NEK7: variants seen among roughly 807,000 people sequenced by gnomAD.
NEK7 encodes serine/threonine-protein kinase Nek7.
A neutral mutation model predicts 44.6 loss-of-function variants in NEK7; 18 were observed. The observed-to-expected ratio is 0.40, with a 90% confidence interval of 0.28 to 0.60. NEK7 has a LOEUF of 0.60. Ranked by LOEUF, NEK7 falls within the 20% of genes least tolerant of loss-of-function variation. The pLI is 0.38. For synonymous variants in NEK7, 130 were observed against 121.1 expected (o/e 1.07, Z -0.48); for missense variants, 256 against 366.5 (o/e 0.70, Z 2.46).
intron 1 of NEK7, among the ~76,000 whole-genome samples, chr1:198,217,964 C>G (rs1235006668): frequency 6.6e-6 from 1 of 151,916 alleles, no homozygotes. Context: ...ATCCCATGCT[C>G]AGGGATTGAA....
At chr1:198,232,411 G>A in intron 1 of NEK7, 142 bp from the exon 2 acceptor site, 2 of 478,050 alleles carry the variant, frequency 4.2e-6, no homozygotes, top group Non-Finnish European at 7.6e-6. Context: ...TTTAGCAAAT[G>A]GCAAAAGAGT....
intron 9 of NEK7, among the ~76,000 whole-genome samples, chr1:198,317,892 T>G (rs1039887273): frequency 6.8e-6 from 1 of 146,962 alleles, no homozygotes; most frequent in African/African-American, 2.5e-5. Flanking sequence ...TTTTTTTTTT[T>G]TTTTTTTTGG....
In NEK7 at chr1:198,264,109, T is replaced by G. The variant is rs773448263; in HGVS notation, c.262-16T>G. 6.4e-7 allele frequency: 1 copy of G among 1,573,420 alleles called. No homozygotes were observed. Among genetic ancestry groups the G allele is most frequent in the Non-Finnish European group, 8.6e-7 (1 of 1,163,718 alleles). Reference sequence around the variant, plus strand: ...TACAGTAAGAAAACTTTCTGATGCCTGTTTTATTTTCTCAGCAACTCAACC... The same window carrying G: ...TACAGTAAGAAAACTTTCTGATGCCGGTTTTATTTTCTCAGCAACTCAACC... On this transcript the variant is annotated splice_polypyrimidine_tract_variant and intron_variant, in intron 4 of 9. Coordinates refer to ENST00000367385, the MANE Select transcript of NEK7 (RefSeq NM_133494.3).
chr1:198,247,872 A>G (rs981073237), intron 2 of NEK7, among the ~76,000 whole-genome samples: 1 of 152,226 alleles, frequency 6.6e-6, no homozygotes, highest in African/African-American at 2.4e-5. Flanking sequence ...ATATCAAAAT[A>G]GCCTTTCTGC....
chr1:198,277,491 T>C (rs1307599232), intron 5 of NEK7, among the ~76,000 whole-genome samples: 1 of 151,850 alleles, frequency 6.6e-6, no homozygotes, highest in Non-Finnish European at 1.5e-5. Context: ...ATTCCTTTTA[T>C]TTGTTTAATT....
chr1:198,205,230 AG>A lies in NEK7; in HGVS notation c.-28-27321del, dbSNP rs566138812. On this transcript the variant is annotated intron_variant, in intron 1 of 9. Transcript: ENST00000367385. ...GGCCAAAAACAGCGGCAGTTTTGGCAGGCATTGCCAAGTGCGCATCACTTTC... is the reference window on the plus strand; with the variant it reads ...GGCCAAAAACAGCGGCAGTTTTGGCAGCATTGCCAAGTGCGCATCACTTTC... Among the ~76,000 whole-genome samples, 706 of 152,356 alleles carry A rather than the reference AG, an allele frequency of 4.6e-3. 3 individuals are homozygous for A. The highest frequency in any genetic ancestry group is 7.8e-3 in the Non-Finnish European group (531 of 68,034).
At chr1:198,306,570 G>A (rs1305450450) in intron 9 of NEK7, among the ~76,000 whole-genome samples, 2 of 152,074 alleles carry the variant, frequency 1.3e-5, no homozygotes, top group Admixed American at 6.6e-5. Context: ...GATGGCAGGA[G>A]CACAAATAAC....
intron 5 of NEK7, among the ~76,000 whole-genome samples, chr1:198,270,789 TTAC>T (rs1478652875): frequency 4.6e-5 from 7 of 152,102 alleles, no homozygotes; most frequent in African/African-American, 1.4e-4. Flanking sequence ...GCATAGCAAA[TTAC>T]TACAAATTTA....
At chr1:198,263,712 A>G (rs971841941) in intron 4 of NEK7, among the ~76,000 whole-genome samples, 3 of 151,910 alleles carry the variant, frequency 2.0e-5, no homozygotes, top group Non-Finnish European at 2.9e-5. Context: ...TCTAGGACCA[A>G]CCATAACTTC....
chr1:198,250,810 A>G (rs1430881029), intron 2 of NEK7, among the ~76,000 whole-genome samples: 3 of 148,084 alleles, frequency 2.0e-5, no homozygotes, highest in Admixed American at 6.8e-5. Context: ...TAGATATACA[A>G]TCATGTCATC....
chr1:198,294,968 T>C (rs1166672461), intron 8 of NEK7, among the ~76,000 whole-genome samples: 1 of 152,068 alleles, frequency 6.6e-6, no homozygotes, highest in Non-Finnish European at 1.5e-5. Flanking sequence ...GGTCATAACA[T>C]CACGTATTTT....
chr1:198,249,621 A>C (rs1029096796), intron 2 of NEK7, among the ~76,000 whole-genome samples: 2 of 151,902 alleles, frequency 1.3e-5, no homozygotes, highest in Non-Finnish European at 2.9e-5. Context: ...TTTGATTTGC[A>C]TTTCTCTGAT....
At chr1:198,166,293 T>A (rs1164469224) in intron 1 of NEK7, among the ~76,000 whole-genome samples, 1 of 152,242 alleles carries the variant, frequency 6.6e-6, no homozygotes, top group African/African-American at 2.4e-5. Flanking sequence ...AATAGTGTAA[T>A]AGACCAGCTC....
At chr1:198,285,445 G>C (rs1024469648) in intron 7 of NEK7, among the ~76,000 whole-genome samples, 1 of 152,204 alleles carries the variant, frequency 6.6e-6, no homozygotes, top group African/African-American at 2.4e-5. Flanking sequence ...CACCCACAGT[G>C]AGTTGTAGAC....
chr1:198,178,207 C>G (rs1047002340), intron 1 of NEK7, among the ~76,000 whole-genome samples: 2 of 151,924 alleles, frequency 1.3e-5, no homozygotes, highest in Admixed American at 6.6e-5. Context: ...AAGAAAATCA[C>G]TAAATAAGAG....
At chr1:198,167,765 T>C (rs1325467362) in intron 1 of NEK7, among the ~76,000 whole-genome samples, 3 of 152,210 alleles carry the variant, frequency 2.0e-5, no homozygotes, top group Non-Finnish European at 2.9e-5. Context: ...ACAGCTCGAC[T>C]GCACCAGACT....
chr1:198,217,110 A>T (rs1402704937), intron 1 of NEK7, among the ~76,000 whole-genome samples: 1 of 152,104 alleles, frequency 6.6e-6, no homozygotes, highest in Non-Finnish European at 1.5e-5. Flanking sequence ...TTATGAAGCT[A>T]GTGTCACCCT....
At chr1:198,289,131 TTGTGTGTGTG>T (rs71133921) in intron 7 of NEK7, among the ~76,000 whole-genome samples, 92 of 148,860 alleles carry the variant, frequency 6.2e-4, no homozygotes, top group African/African-American at 8.6e-4. Context: ...TTCCCTGAAG[TTGTGTGTGTG>T]TGTGTGTGTG....
At chr1:198,275,613 T>C (rs1653993920) in intron 5 of NEK7, among the ~76,000 whole-genome samples, 1 of 151,422 alleles carries the variant, frequency 6.6e-6, no homozygotes, top group South Asian at 2.1e-4. Context: ...TAAAAAGATA[T>C]GTGTTTATTA....
Sources: gnomAD v4.1 joint callset for allele counts (sites outside exome capture counted in the v4.1 genomes callset) on GRCh38, gnomAD v4.1.1 for gene constraint, MANE v1.5 for transcripts, NCBI Gene and HGNC (gene_info 2026-07-23, HGNC 2026-07-21) for gene names.